Variants in COG5 observed in about 807,000 individuals in gnomAD.
COG5 encodes the protein component of oligomeric golgi complex 5.
A neutral mutation model predicts 110.4 loss-of-function variants in COG5; 86 were observed. The observed-to-expected ratio is 0.78, with a 90% CI of 0.65 to 0.93. The LOEUF is 0.93. COG5 is among the 40% of genes least tolerant of loss of function. The pLI is 0.00. For missense variants in COG5, 1,077 were observed against 987.0 expected, an observed-to-expected ratio of 1.09 and a Z score of -1.22; for synonymous variants, 360 against 334.6, an observed-to-expected ratio of 1.08 and a Z score of -0.83.
chr7:107,514,753 A>T (rs1324053292), intron 6 of COG5, among the ~76,000 whole-genome samples: 1 of 152,234 alleles, frequency 6.6e-6, no homozygotes, highest in Non-Finnish European at 1.5e-5. Flanking sequence ...CACATAGCAC[A>T]CATAGTAGAT....
At chr7:107,290,713 G>A (rs1806094826) in intron 12 of COG5, among the ~76,000 whole-genome samples, 1 of 151,882 alleles carries the variant, frequency 6.6e-6, no homozygotes, top group Admixed American at 6.6e-5. Context: ...TTTTTCCTTT[G>A]AGCAATCTGA....
At chr7:107,352,136 A>G (rs920313536) in intron 10 of COG5, among the ~76,000 whole-genome samples, 3 of 149,116 alleles carry the variant, frequency 2.0e-5, no homozygotes, top group Non-Finnish European at 4.5e-5. Context: ...GCCATAAAAA[A>G]TGATGAGTTC....
At chr7:107,245,163 C>A (rs1287499979) in intron 17 of COG5, among the ~76,000 whole-genome samples, 1 of 152,182 alleles carries the variant, frequency 6.6e-6, no homozygotes, top group Admixed American at 6.5e-5. Flanking sequence ...AAATTTAACA[C>A]TTCTTCATGT....
intron 6 of COG5, among the ~76,000 whole-genome samples, chr7:107,496,331 A>G (rs989977777): frequency 6.6e-6 from 1 of 152,178 alleles, no homozygotes; most frequent in Non-Finnish European, 1.5e-5. Flanking sequence ...ACTAGGATCT[A>G]TCTCTGGAAT....
rs114637520 is a variant in COG5 at position 107,366,585 on chromosome 7, G to A, written c.836-4165C>T. 4.6e-3 allele frequency among the ~76,000 whole-genome samples: 700 copies of A among 152,106 alleles called. 6 individuals carry two copies. Among genetic ancestry groups the A allele is most frequent in the African/African-American group, 0.016 (684 of 41,524 alleles). ...AAGTCACTGAACTTCAAAGATAAAG[G>A]AAAAACCATTTGGACAGTCAAGAAA... On this transcript the variant is annotated intron_variant, in intron 8 of 21. Transcript: ENST00000297135.
chr7:107,232,301 G>A (rs1181455402), intron 18 of COG5, among the ~76,000 whole-genome samples: 3 of 152,140 alleles, frequency 2.0e-5, no homozygotes, highest in Non-Finnish European at 4.4e-5. Flanking sequence ...CACTGGGTAG[G>A]AATTTCTGTT....
intron 2 of COG5, among the ~76,000 whole-genome samples, chr7:107,557,404 G>A (rs1040829020): frequency 2.6e-5 from 4 of 152,146 alleles, no homozygotes; most frequent in African/African-American, 9.7e-5. Flanking sequence ...ATCTACTACA[G>A]TCTCCTCTTC....
intron 8 of COG5, among the ~76,000 whole-genome samples, chr7:107,366,982 T>C (rs998296486): frequency 3.9e-5 from 6 of 152,114 alleles, no homozygotes; most frequent in African/African-American, 9.6e-5. Context: ...TTTGAGGTGA[T>C]ATATTAAAAA....
intron 6 of COG5, among the ~76,000 whole-genome samples, chr7:107,448,399 T>C (rs1795137740): frequency 6.6e-6 from 1 of 152,160 alleles, no homozygotes; most frequent in African/African-American, 2.4e-5. Context: ...ACTCTTCAAC[T>C]CTCATCTACA....
intron 10 of COG5, among the ~76,000 whole-genome samples, chr7:107,329,554 A>C (rs1403795149): frequency 6.6e-6 from 1 of 152,132 alleles, no homozygotes; most frequent in Non-Finnish European, 1.5e-5. Context: ...CTCCTACCAA[A>C]ATATAAAAAG....
intron 6 of COG5, among the ~76,000 whole-genome samples, chr7:107,466,598 T>C (rs1796311323): frequency 6.6e-6 from 1 of 152,220 alleles, no homozygotes. Flanking sequence ...TCTCTACGAC[T>C]TCTGCTACTC....
At chr7:107,296,086 C>T (rs562384096) in intron 12 of COG5, among the ~76,000 whole-genome samples, 205 of 151,494 alleles carry the variant, frequency 1.4e-3, no homozygotes, top group Non-Finnish European at 2.6e-3. Flanking sequence ...CTTTTCCTTC[C>T]CTTCCCTTCC....
intron 6 of COG5, among the ~76,000 whole-genome samples, chr7:107,463,094 T>G (rs750359998): frequency 6.6e-6 from 1 of 152,208 alleles, no homozygotes; most frequent in African/African-American, 2.4e-5. Context: ...GAACTGTAAG[T>G]GAAACAGGCC....
chr7:107,213,598 T>A (rs1386541517), intron 19 of COG5, among the ~76,000 whole-genome samples: 1 of 152,154 alleles, frequency 6.6e-6, no homozygotes, highest in South Asian at 2.1e-4. Context: ...CTGATTGCAG[T>A]GGCCAGCCAG....
chr7:107,419,197 C>T (rs1447006789), intron 6 of COG5, among the ~76,000 whole-genome samples: 1 of 151,934 alleles, frequency 6.6e-6, no homozygotes, highest in Non-Finnish European at 1.5e-5. Flanking sequence ...ATTTTAAAGT[C>T]GTGGTATTTG....
chr7:107,445,213 T>C (rs569189899), intron 6 of COG5, among the ~76,000 whole-genome samples: 1 of 152,208 alleles, frequency 6.6e-6, no homozygotes, highest in South Asian at 2.1e-4. Flanking sequence ...AAAAAAATGT[T>C]GTAGAAATGT....
At position 107,416,358 on chromosome 7, in the gene COG5, G is replaced by T. The variant is rs116933173; in HGVS notation, c.539-3726C>A. Among the ~76,000 whole-genome samples the T allele has an allele frequency of 5.5e-3, 830 of 152,016 alleles. 3 individuals carry two copies. The highest frequency in any genetic ancestry group is 0.02 in the Middle Eastern group (6 of 294). ...ATATGGTATAAATATCAATAACAAT[G>T]AATCTCAATAACATAATGTTAAGGA... is the stretch of plus-strand genomic sequence containing the variant. On this transcript the variant is annotated intron_variant, in intron 6 of 21. Transcript: ENST00000297135.
chr7:107,472,852 C>G (rs546115418), intron 6 of COG5: 1 of 151,734 alleles, frequency 6.6e-6, no homozygotes. Flanking sequence ...AGTTGAAATG[C>G]TGTATTTGAA....
intron 6 of COG5, among the ~76,000 whole-genome samples, chr7:107,509,495 C>T (rs936963763): frequency 4.6e-5 from 7 of 152,208 alleles, no homozygotes; most frequent in African/African-American, 1.7e-4. Flanking sequence ...TCCAGGAGAA[C>T]TTCCCCAATC....
Sources: gnomAD v4.1 joint callset for allele counts (sites outside exome capture counted in the v4.1 genomes callset) on GRCh38, gnomAD v4.1.1 for gene constraint, MANE v1.5 for transcripts, NCBI Gene and HGNC (gene_info 2026-07-23, HGNC 2026-07-21) for gene names.